Variants in ERC2 observed in about 807,000 individuals in gnomAD.
ERC2 encodes ELKS/RAB6-interacting/CAST family member 2.
ERC2 carries 42 observed loss-of-function variants against 114.8 expected under a neutral mutation model. The ratio of observed to expected loss-of-function variants is 0.37; its 90% CI spans 0.29 to 0.47. The LOEUF (loss-of-function observed/expected upper bound fraction) is 0.47, where lower values mean the gene tolerates loss of function less well. ERC2 is among the 20% of genes least tolerant of loss of function. ERC2 has a pLI of 0.99. For synonymous variants in ERC2, 454 were observed against 425.5 expected (o/e 1.07, Z -0.82); for missense variants, 939 against 1,150.7 (o/e 0.82, Z 2.66).
chr3:55,560,090 C>T (rs1246555845), intron 17 of ERC2, among the ~76,000 whole-genome samples: 1 of 152,172 alleles, frequency 6.6e-6, no homozygotes, highest in Non-Finnish European at 1.5e-5. Flanking sequence ...CCAGGAAAAC[C>T]CTCAGCAGCC....
intron 14 of ERC2, among the ~76,000 whole-genome samples, chr3:55,742,902 T>C (rs561454899): frequency 6.6e-6 from 1 of 152,324 alleles, no homozygotes; most frequent in Non-Finnish European, 1.5e-5. Flanking sequence ...GTATGATATA[T>C]GCAGAAGGGG....
chr3:55,787,075 T>A (rs547784378), intron 14 of ERC2, among the ~76,000 whole-genome samples: 288 of 152,258 alleles, frequency 1.9e-3, no homozygotes, highest in African/African-American at 6.6e-3. Context: ...GCAAGGTAAT[T>A]GGTGTCCCTG....
chr3:56,363,142 A>T (rs2150564471), intron 2 of ERC2, among the ~76,000 whole-genome samples: 1 of 152,354 alleles, frequency 6.6e-6, no homozygotes, highest in Non-Finnish European at 1.5e-5. Context: ...ATAGAGAAAC[A>T]ATGGATCAAG....
At chr3:55,946,284 C>A (rs866532032) in intron 13 of ERC2, among the ~76,000 whole-genome samples, 78 of 152,254 alleles carry the variant, frequency 5.1e-4, no homozygotes, top group Middle Eastern at 3.4e-3. Flanking sequence ...ACAAGAAAAT[C>A]ACGATCTTTC....
intron 17 of ERC2, among the ~76,000 whole-genome samples, chr3:55,674,208 T>C (rs904047594): frequency 1.3e-5 from 2 of 152,174 alleles, no homozygotes; most frequent in African/African-American, 4.8e-5. Context: ...AAAACAGTCT[T>C]AGCTACCTTT....
intron 2 of ERC2, among the ~76,000 whole-genome samples, chr3:56,374,153 G>C (rs2059452195): frequency 1.3e-5 from 2 of 152,162 alleles, no homozygotes; most frequent in Admixed American, 1.3e-4. Context: ...CTGGAGTGCA[G>C]AGGCGAGATC....
intron 1 of ERC2, among the ~76,000 whole-genome samples, chr3:56,456,209 CT>C (rs1390313448): frequency 6.6e-6 from 1 of 152,156 alleles, no homozygotes; most frequent in Non-Finnish European, 1.5e-5. Context: ...GAGGTGAATC[CT>C]TTGCCAAATG....
Position 55,915,902 on chromosome 3 carries a change from C to A in ERC2, c.2404-27353G>T, listed in dbSNP as rs2065065170. On this transcript the variant is annotated intron_variant, in intron 13 of 17. Coordinates refer to ENST00000288221, the MANE Select transcript of ERC2 (RefSeq NM_015576.3). ...AGATGGCTCCAAAATTTATTTGAAT[C>A]TTTAAAAAATGATTACAGATTTTAA... Among the ~76,000 whole-genome samples the A allele has an allele frequency of 2.0e-5, 3 of 152,152 alleles. No individual in the cohort carries two copies. The South Asian group carries it at 6.2e-4, about 32-fold the overall frequency.
chr3:55,995,696 C>T (rs2149532927), intron 10 of ERC2, among the ~76,000 whole-genome samples: 1 of 152,274 alleles, frequency 6.6e-6, no homozygotes, highest in East Asian at 1.9e-4. Flanking sequence ...AAAGAATTTA[C>T]AAAAGATATT....
chr3:55,804,989 A>G (rs2059435478), intron 14 of ERC2, among the ~76,000 whole-genome samples: 1 of 152,068 alleles, frequency 6.6e-6, no homozygotes, highest in African/African-American at 2.4e-5. Context: ...GTGCCACACA[A>G]TATGAATTAG....
chr3:55,690,787 T>C (rs550525574), intron 16 of ERC2, among the ~76,000 whole-genome samples: 1 of 152,328 alleles, frequency 6.6e-6, no homozygotes, highest in Admixed American at 6.5e-5. Context: ...GTGAAGACCC[T>C]ACCTGGCAGG....
At chr3:55,962,167 G>A (rs1387754633) in intron 12 of ERC2, among the ~76,000 whole-genome samples, 1 of 152,192 alleles carries the variant, frequency 6.6e-6, no homozygotes, top group East Asian at 1.9e-4. Flanking sequence ...AACTCTTTCT[G>A]AATTTAATTT....
intron 3 of ERC2, among the ~76,000 whole-genome samples, chr3:56,252,757 CAAAAAA>C (rs71099628): frequency 1.3e-5 from 1 of 74,194 alleles, no homozygotes; most frequent in African/African-American, 5.7e-5. Flanking sequence ...AACTCTGTCT[CAAAAAA>C]AAAAAAAAAA....
chr3:56,314,436 A>C (rs553377337), intron 2 of ERC2, among the ~76,000 whole-genome samples: 1 of 150,930 alleles, frequency 6.6e-6, no homozygotes, highest in Non-Finnish European at 1.5e-5. Context: ...ACTATTATTA[A>C]TATACAAATA....
chr3:55,841,870 C>A (rs1363419198), intron 14 of ERC2, among the ~76,000 whole-genome samples: 2 of 152,168 alleles, frequency 1.3e-5, no homozygotes, highest in Non-Finnish European at 2.9e-5. Context: ...AGAGCCCAAC[C>A]TCTTAATTGC....
At chr3:56,196,120 G>A (rs1355869623) in intron 3 of ERC2, among the ~76,000 whole-genome samples, 1 of 152,100 alleles carries the variant, frequency 6.6e-6, no homozygotes, top group Non-Finnish European at 1.5e-5. Context: ...TACTATTGCT[G>A]CTCCTAGGTG....
At chr3:56,105,668 C>T (rs1392797913) in intron 6 of ERC2, among the ~76,000 whole-genome samples, 2 of 152,114 alleles carry the variant, frequency 1.3e-5, no homozygotes, top group African/African-American at 2.4e-5. Flanking sequence ...TACGTTTTAA[C>T]AGGTTCACTG....
At chr3:55,933,996 T>C (rs1235992811) in intron 13 of ERC2, among the ~76,000 whole-genome samples, 5 of 152,164 alleles carry the variant, frequency 3.3e-5, no homozygotes, top group Admixed American at 2.6e-4. Context: ...AATACAGCCA[T>C]CTAACTCTAG....
At chr3:55,696,778 T>G (rs1029018127) in intron 16 of ERC2, among the ~76,000 whole-genome samples, 1 of 152,184 alleles carries the variant, frequency 6.6e-6, no homozygotes, top group Admixed American at 6.5e-5. Flanking sequence ...AGACCTGGGA[T>G]GCCCAGTCAA....
Sources: gnomAD v4.1 joint callset for allele counts (sites outside exome capture counted in the v4.1 genomes callset) on GRCh38, gnomAD v4.1.1 for gene constraint, MANE v1.5 for transcripts, NCBI Gene and HGNC (gene_info 2026-07-23, HGNC 2026-07-21) for gene names.